Variants in TDP1 observed in about 807,000 individuals in gnomAD.
TDP1 encodes the protein tyr-DNA phosphodiesterase 1.
In TDP1, 64 loss-of-function variants were observed where a neutral mutation model predicts 81.5. The observed-to-expected ratio is 0.79, with a 90% CI of 0.64 to 0.97. TDP1 has a LOEUF of 0.97. Ranked by LOEUF, TDP1 falls within the 50% of genes least tolerant of loss-of-function variation. The pLI, the probability that TDP1 is intolerant of heterozygous loss-of-function variation, is 0.00. For missense variants in TDP1, 723 were observed against 743.8 expected (o/e 0.97, Z 0.33); for synonymous variants, 256 against 264.3 (o/e 0.97, Z 0.30).
In TDP1 at chr14:90,043,235, T is replaced by C; in HGVS notation, c.*92T>C. The C allele has an allele frequency of 6.6e-7, 1 of 1,511,554 alleles. No individual in the cohort carries two copies. The highest frequency in any genetic ancestry group is 9.1e-7 in the Non-Finnish European group (1 of 1,096,720). The allele number at this position is 1,511,554 out of a possible 1,614,324, so 93.6% of individuals were successfully genotyped here. ...TACTGGATGTCCACTTCCCTTAAAG[T>C]CTTATTTGCACCCTTACAAAATCTT... is the stretch of plus-strand genomic sequence containing the variant. On this transcript the variant is annotated 3_prime_UTR_variant, in exon 17 of 17. Coordinates refer to ENST00000335725, the MANE Select transcript of TDP1 (RefSeq NM_018319.4).
intron 14 of TDP1, among the ~76,000 whole-genome samples, chr14:90,014,442 A>T (rs553160880): frequency 6.6e-6 from 1 of 152,344 alleles, no homozygotes; most frequent in Admixed American, 6.5e-5. Flanking sequence ...GGAAAGGGCA[A>T]CAGCAGCATT....
intron 1 of TDP1, 200 bp downstream of exon 1, chr14:89,956,170 T>C (rs1233890847): frequency 6.6e-6 from 1 of 151,668 alleles, no homozygotes; most frequent in African/African-American, 2.4e-5. Flanking sequence ...TTTCCTCCGA[T>C]CACAGCGCCT....
rs906821798 is a variant in TDP1, at chr14:89,963,139, A to G, written c.25A>G (p.Arg9Gly). The part of the protein sequence containing the change: MSQEGDYG[R>G]WTISSSDESE... ...AATGTCTCAGGAAGGCGATTATGGG[A>G]GGTGGACCATATCTAGTAGTGATGA... The change falls in exon 3 of 17, where the codon AGG (arginine) becomes GGG (glycine). Residue 9 changes from arginine to glycine, a missense_variant. By Grantham distance (125) the Arg-to-Gly change is moderately radical. Coordinates refer to ENST00000335725, the MANE Select transcript of TDP1 (RefSeq NM_018319.4). The G allele has an allele frequency of 1.2e-6, 2 of 1,614,050 alleles. No homozygotes were observed. The highest frequency in any genetic ancestry group is 2.2e-5 in the East Asian group (1 of 44,870).
chr14:89,991,493 C>G (rs1349950566), intron 12 of TDP1: 11 of 908,204 alleles, frequency 1.2e-5, no homozygotes, highest in African/African-American at 7.2e-5. Context: ...ATAGTCCTTA[C>G]ATTCCTGATG....
chr14:89,974,631 G>C (rs978149638), intron 6 of TDP1, among the ~76,000 whole-genome samples: 2 of 152,082 alleles, frequency 1.3e-5, no homozygotes, highest in Non-Finnish European at 2.9e-5. Flanking sequence ...CGATTATAGA[G>C]TGCCTATTGC....
intron 14 of TDP1, among the ~76,000 whole-genome samples, chr14:90,016,461 T>G (rs1462526502): frequency 6.6e-6 from 1 of 152,194 alleles, no homozygotes; most frequent in African/African-American, 2.4e-5. Flanking sequence ...CAGGTATGTA[T>G]TTTTTCTGTG....
chr14:89,992,012 T>G, intron 13 of TDP1, 29 bp downstream of exon 13: 1 of 1,593,344 alleles, frequency 6.3e-7, no homozygotes, highest in South Asian at 1.1e-5. Context: ...CTGCTGCTAT[T>G]GCTTCTTTAG....
At chr14:90,029,146 T>A (rs1272073209) in intron 15 of TDP1, among the ~76,000 whole-genome samples, 1 of 152,108 alleles carries the variant, frequency 6.6e-6, no homozygotes, top group South Asian at 2.1e-4. Context: ...GTGGAAGGAA[T>A]GTAGGACCAA....
At chr14:90,027,292 C>G (rs1416026028) in intron 15 of TDP1, among the ~76,000 whole-genome samples, 1 of 152,064 alleles carries the variant, frequency 6.6e-6, no homozygotes, top group Admixed American at 6.6e-5. Flanking sequence ...TGAACTGACC[C>G]TTCCCTCCCT....
intron 6 of TDP1, chr14:89,975,389 T>C: frequency 1.0e-6 from 1 of 985,338 alleles, no homozygotes; most frequent in Non-Finnish European, 1.2e-6. Flanking sequence ...AGTGTTTCTT[T>C]TAAATATGCT....
At chr14:90,032,963 T>C in intron 15 of TDP1, 143 bp from the exon 16 acceptor site, 1 of 1,196,254 alleles carries the variant, frequency 8.4e-7, no homozygotes, top group East Asian at 2.6e-5. Context: ...TATATTTGCC[T>C]ATGAACATTG....
At chr14:89,998,366 AGC>A (rs1177017718) in intron 14 of TDP1, among the ~76,000 whole-genome samples, 1 of 115,362 alleles carries the variant, frequency 8.7e-6, no homozygotes, top group African/African-American at 3.5e-5. Context: ...CACAGTTCCA[AGC>A]ACATTATATA....
chr14:90,033,858 G>C (rs544137683), intron 16 of TDP1, among the ~76,000 whole-genome samples: 1 of 152,286 alleles, frequency 6.6e-6, no homozygotes, highest in South Asian at 2.1e-4. Flanking sequence ...GAGGCCAGGA[G>C]CCCAAGGCCA....
intron 10 of TDP1, 60 bp downstream of exon 10, chr14:89,985,270 A>G (rs1331714500): frequency 4.2e-6 from 4 of 956,908 alleles, no homozygotes; most frequent in African/African-American, 1.7e-5. Context: ...TCTCTCTTTT[A>G]AAATAATTAT....
intron 2 of TDP1, among the ~76,000 whole-genome samples, chr14:89,962,498 T>A (rs1420236591): frequency 6.6e-6 from 1 of 152,184 alleles, no homozygotes; most frequent in African/African-American, 2.4e-5. Context: ...AATGAATGTT[T>A]GTTTTATTTT....
chr14:90,003,182 C>T (rs553682246), intron 14 of TDP1, among the ~76,000 whole-genome samples: 108 of 152,280 alleles, frequency 7.1e-4, no homozygotes, highest in Non-Finnish European at 1.2e-3. Flanking sequence ...GTGATCCGCC[C>T]GCCTTGGCCT....
chr14:90,018,319 T>G (rs908515927), intron 14 of TDP1, among the ~76,000 whole-genome samples: 3 of 152,200 alleles, frequency 2.0e-5, no homozygotes, highest in Non-Finnish European at 4.4e-5. Context: ...TGGGTTTATG[T>G]TAGTCTCTGC....
In TDP1 at chr14:89,985,190, G is replaced by A; in HGVS notation, c.1111G>A (p.Gly371Arg). ...TCAAGGAAGTCAAAAAGATAATTGG[G>A]GACATTTTAGACTTAAGAAGGTAAC... is the stretch of plus-strand genomic sequence containing the variant. Reference protein sequence around the residue: ...RFQGSQKDNWGHFRLKKLLKD... With the variant: ...RFQGSQKDNWRHFRLKKLLKD... The change falls in exon 10 of 17, where the codon GGA (glycine) becomes AGA (arginine). Residue 371 changes from glycine (G) to arginine (R), a missense_variant. By Grantham distance (125) the Gly-to-Arg change is moderately radical. Transcript: ENST00000335725. The A allele has an allele frequency of 1.2e-6, 2 of 1,607,778 alleles. No individual in the cohort carries two copies. The highest frequency in any genetic ancestry group is 1.7e-6 in the Non-Finnish European group (2 of 1,176,514).
intron 14 of TDP1, among the ~76,000 whole-genome samples, chr14:90,003,327 A>AT (rs1340895253): frequency 6.6e-6 from 1 of 152,250 alleles, no homozygotes; most frequent in East Asian, 1.9e-4. Context: ...GAAACTCAAA[A>AT]TTAACAGTTC....
Sources: allele counts gnomAD v4.1 joint callset (sites outside exome capture counted in the v4.1 genomes callset), GRCh38; gene constraint gnomAD v4.1.1; transcripts MANE v1.5; gene names NCBI Gene and HGNC (gene_info 2026-07-23, HGNC 2026-07-21).